LOC728743: variants seen among roughly 807,000 people sequenced by gnomAD.
At chr7:150,409,167 G>T in the LOC728743 span, among the ~76,000 whole-genome samples, 1 of 149,986 alleles carries the variant, frequency 6.7e-6, no homozygotes, top group Non-Finnish European at 1.5e-5. Context: ...ATAGTTCAGT[G>T]ACTGTCTCCA....
At chr7:150,409,575 T>A in the LOC728743 span, among the ~76,000 whole-genome samples, 22 of 152,306 alleles carry the variant, frequency 1.4e-4, no homozygotes, top group East Asian at 3.5e-3. Context: ...CAGGGCTTTG[T>A]TTTGGATTCT....
the LOC728743 span, chr7:150,410,630 T>C: frequency 1.7e-4 from 26 of 149,710 alleles, no homozygotes; most frequent in Admixed American, 1.9e-3. Context: ...ACCTGCAGGC[T>C]TCATTTTCCT....
the LOC728743 span, chr7:150,410,292 G>C: frequency 2.5e-6 from 1 of 398,234 alleles, no homozygotes; most frequent in Non-Finnish European, 4.4e-6. Context: ...AAGAAGACCT[G>C]CCTCAAGAGG....
the LOC728743 span, chr7:150,410,433 C>T: frequency 8.0e-6 from 3 of 372,944 alleles, no homozygotes; most frequent in Non-Finnish European, 1.4e-5. Flanking sequence ...GGCTGCCTGG[C>T]CACAGGCCCC....
the LOC728743 span, among the ~76,000 whole-genome samples, chr7:150,401,328 G>A: frequency 6.6e-6 from 1 of 152,246 alleles, no homozygotes; most frequent in Non-Finnish European, 1.5e-5. Context: ...GTCCCGGGGA[G>A]CTGCCTGACG....
the LOC728743 span, among the ~76,000 whole-genome samples, chr7:150,409,820 C>T: frequency 2.0e-5 from 3 of 152,218 alleles, no homozygotes; most frequent in South Asian, 4.2e-4. Flanking sequence ...GCCCCCTCTG[C>T]CCATCCTCAG....
chr7:150,411,107 G>A, the LOC728743 span: 4 of 152,408 alleles, frequency 2.6e-5, no homozygotes, highest in African/African-American at 9.6e-5. Context: ...ACTGGCCGCT[G>A]GCTTCCACAA....
chr7:150,403,478 C>T, the LOC728743 span, among the ~76,000 whole-genome samples: 2 of 152,200 alleles, frequency 1.3e-5, no homozygotes, highest in Non-Finnish European at 2.9e-5. The surrounding 1 kb of genome is among the most constrained non-coding windows in gnomAD (Gnocchi z 5.1). Flanking sequence ...ACATGGTGTT[C>T]ACCGAGTGTC....
At chr7:150,410,383 C>T in the LOC728743 span, 1 of 390,092 alleles carries the variant, frequency 2.6e-6, no homozygotes, top group Non-Finnish European at 4.5e-6. Flanking sequence ...ACAAACTCTC[C>T]AGGCCTGGTG....
chr7:150,406,552 C>A, the LOC728743 span, among the ~76,000 whole-genome samples: 75 of 152,290 alleles, frequency 4.9e-4, no homozygotes, highest in East Asian at 0.014. Context: ...TCACCTTGCT[C>A]TGTGACCTTG....
the LOC728743 span, among the ~76,000 whole-genome samples, chr7:150,406,613 G>A: frequency 6.6e-6 from 1 of 152,294 alleles, no homozygotes; most frequent in Admixed American, 6.5e-5. Context: ...TTAAAGTGGG[G>A]CTCAATAACC....
the LOC728743 span, chr7:150,408,300 C>T: frequency 8.2e-6 from 3 of 364,188 alleles, no homozygotes; most frequent in East Asian, 4.1e-5. Flanking sequence ...GGCCCTGGGC[C>T]GCAGCTCCCT....
At chr7:150,411,191 C>G in the LOC728743 span, 1 of 152,370 alleles carries the variant, frequency 6.6e-6, no homozygotes, top group African/African-American at 2.4e-5. Flanking sequence ...GCTGTGGACG[C>G]TGGTGGGAGC....
chr7:150,401,083 C>T, the LOC728743 span: 1 of 152,264 alleles, frequency 6.6e-6, no homozygotes, highest in African/African-American at 2.4e-5. Context: ...TGCAGCCACG[C>T]TGCTTCGTAC....
the LOC728743 span, chr7:150,408,001 C>T: frequency 7.5e-6 from 3 of 398,298 alleles, no homozygotes; most frequent in Non-Finnish European, 8.9e-6. Context: ...CGCAGTGCGG[C>T]CGCTGCTTCC....
the LOC728743 span, among the ~76,000 whole-genome samples, chr7:150,401,583 C>G: frequency 2.0e-5 from 3 of 152,220 alleles, no homozygotes; most frequent in Non-Finnish European, 2.9e-5. Flanking sequence ...TGCATTGTGG[C>G]AGGGGCAGTG....
At chr7:150,402,903 G>C in the LOC728743 span, among the ~76,000 whole-genome samples, 1 of 152,128 alleles carries the variant, frequency 6.6e-6, no homozygotes, top group Admixed American at 6.5e-5. Context: ...TGAGCTACAC[G>C]TTTACCCATG....
At chr7:150,407,337 A>G in the LOC728743 span, among the ~76,000 whole-genome samples, 1 of 152,202 alleles carries the variant, frequency 6.6e-6, no homozygotes, top group Non-Finnish European at 1.5e-5. Flanking sequence ...TGGAAAGGTC[A>G]GGGAAGGCTT....
chr7:150,412,373 C>CAGGAGTGCACGG, the LOC728743 span: 1 of 152,418 alleles, frequency 6.6e-6, no homozygotes, highest in Non-Finnish European at 1.5e-5. Flanking sequence ...CCCGGCTCTG[C>CAGGAGTGCACGG]AGGAGTGCAC....
Sources: gnomAD v4.1 joint callset for allele counts (sites outside exome capture counted in the v4.1 genomes callset) on GRCh38, gnomAD v4.1.1 for gene constraint, Gnocchi (gnomAD v3.1) non-coding constraint, MANE v1.5 for transcripts.